Variants in PDE12 observed in about 807,000 individuals in gnomAD.
PDE12 encodes 2',5'-phosphodiesterase 12.
A neutral mutation model predicts 45.4 loss-of-function variants in PDE12; 26 were observed. That is an observed-to-expected ratio of 0.57 (90% confidence interval 0.42 to 0.79). PDE12 has a LOEUF of 0.79. Among genes scored for constraint, PDE12 ranks in the 30% least tolerant of loss-of-function variants. PDE12 has a pLI of 0.00. For synonymous variants in PDE12, 283 were observed against 323.9 expected (o/e 0.87, Z 1.36); for missense variants, 668 against 790.0 (o/e 0.85, Z 1.85).
the PDE12 span, among the ~76,000 whole-genome samples, chr3:57,612,296 C>T: frequency 6.6e-6 from 1 of 151,670 alleles, no homozygotes; most frequent in Non-Finnish European, 1.5e-5. Context: ...ATGTAAATGA[C>T]AAGTTAATTG....
chr3:57,570,990 TG>T (rs1415345313), downstream of PDE12, among the ~76,000 whole-genome samples: 2 of 151,020 alleles, frequency 1.3e-5, no homozygotes, highest in African/African-American at 4.9e-5. Flanking sequence ...TTTTTGTTGT[TG>T]TTGTTTTGTT....
chr3:57,644,269 C>T, the PDE12 span, among the ~76,000 whole-genome samples: 3 of 152,044 alleles, frequency 2.0e-5, no homozygotes, highest in East Asian at 5.8e-4. Flanking sequence ...TGGGATGCAC[C>T]ACAAGACAGC....
At chr3:57,592,314 C>A in the PDE12 span, among the ~76,000 whole-genome samples, 1 of 151,968 alleles carries the variant, frequency 6.6e-6, no homozygotes, top group Non-Finnish European at 1.5e-5. Context: ...TATGGTGAAA[C>A]CCTCTCTACT....
chr3:57,605,760 G>A, the PDE12 span, among the ~76,000 whole-genome samples: 2 of 152,042 alleles, frequency 1.3e-5, no homozygotes, highest in African/African-American at 4.8e-5. Context: ...AACCAACACA[G>A]AACTGACAGA....
chr3:57,585,620 A>T, the PDE12 span, among the ~76,000 whole-genome samples: 1 of 152,214 alleles, frequency 6.6e-6, no homozygotes, highest in South Asian at 2.1e-4. Flanking sequence ...TATAATAATA[A>T]AAGACCCTAT....
At chr3:57,580,219 C>T in the PDE12 span, among the ~76,000 whole-genome samples, 1 of 152,034 alleles carries the variant, frequency 6.6e-6, no homozygotes, top group African/African-American at 2.4e-5. Context: ...CTTGACTATG[C>T]CTCGTCTAAA....
At chr3:57,573,764 T>G in the PDE12 span, among the ~76,000 whole-genome samples, 2 of 152,038 alleles carry the variant, frequency 1.3e-5, no homozygotes, top group Admixed American at 6.6e-5. Context: ...GTAATTTTAG[T>G]AGAGACAGAG....
At chr3:57,637,857 C>T in the PDE12 span, among the ~76,000 whole-genome samples, 17 of 151,314 alleles carry the variant, frequency 1.1e-4, no homozygotes, top group South Asian at 2.1e-4. Context: ...GTGCACAGGC[C>T]GGGCACAGTG....
chr3:57,595,800 A>C, the PDE12 span, among the ~76,000 whole-genome samples: 1 of 151,978 alleles, frequency 6.6e-6, no homozygotes, highest in African/African-American at 2.4e-5. Context: ...TAATACAAAA[A>C]ATTAGCCAGG....
chr3:57,577,109 A>C, the PDE12 span, among the ~76,000 whole-genome samples: 6 of 151,694 alleles, frequency 4.0e-5, no homozygotes, highest in African/African-American at 9.7e-5. Context: ...TGAAGTAGCT[A>C]CTCTTCCATG....
chr3:57,562,645 A>C lies in PDE12; in HGVS notation c.*2641A>C, dbSNP rs2153407664. The C allele has an allele frequency of 6.6e-6, 1 of 152,348 alleles. No individual in the cohort carries two copies. Among genetic ancestry groups the C allele is most frequent in the East Asian group, 1.9e-4 (1 of 5,192 alleles). 9.4% of individuals were successfully genotyped at this position (152,348 alleles called of 1,614,324 possible). On this transcript the variant is annotated 3_prime_UTR_variant, in exon 3 of 3. Transcript: ENST00000311180. ...GGTAAACCACATTTTATAATGTCAC[A>C]AGTTCTTGCTATAGGAATTAACATT...
chr3:57,618,672 G>A, the PDE12 span, among the ~76,000 whole-genome samples: 14 of 140,044 alleles, frequency 1.0e-4, no homozygotes, highest in Non-Finnish European at 1.8e-4. Flanking sequence ...GCAATGGCGC[G>A]ATCTCAGCTC....
the PDE12 span, among the ~76,000 whole-genome samples, chr3:57,613,412 G>T: frequency 6.6e-5 from 10 of 150,900 alleles, no homozygotes; most frequent in African/African-American, 2.0e-4. Flanking sequence ...TCCTGCCTCA[G>T]CCTCCCAAGT....
the PDE12 span, among the ~76,000 whole-genome samples, chr3:57,576,217 G>GA: frequency 6.6e-6 from 1 of 152,086 alleles, no homozygotes; most frequent in Admixed American, 6.6e-5. Context: ...TATGCTAAGT[G>GA]AAAAAATCAG....
At chr3:57,607,499 T>C in the PDE12 span, among the ~76,000 whole-genome samples, 1 of 152,110 alleles carries the variant, frequency 6.6e-6, no homozygotes, top group African/African-American at 2.4e-5. Flanking sequence ...TGAAAAAAGA[T>C]TAGATGAATG....
chr3:57,597,015 C>T, the PDE12 span: 1 of 1,581,146 alleles, frequency 6.3e-7, no homozygotes, highest in Non-Finnish European at 8.7e-7. Context: ...CAGAGGCCAC[C>T]CCAATTGTGG....
At chr3:57,622,116 C>T in the PDE12 span, among the ~76,000 whole-genome samples, 1 of 152,178 alleles carries the variant, frequency 6.6e-6, no homozygotes, top group Non-Finnish European at 1.5e-5. Context: ...GTGGAGGTTG[C>T]GGTGAGCCAA....
At chr3:57,619,185 A>G in the PDE12 span, among the ~76,000 whole-genome samples, 4 of 151,902 alleles carry the variant, frequency 2.6e-5, no homozygotes, top group Admixed American at 6.6e-5. Context: ...CGTCTTTACT[A>G]AAAATACAAA....
chr3:57,625,092 C>T, the PDE12 span, among the ~76,000 whole-genome samples: 5 of 152,124 alleles, frequency 3.3e-5, no homozygotes, highest in South Asian at 4.2e-4. Context: ...TTTGTAGAGA[C>T]GGGGTCTCAC....
Sources: gnomAD v4.1 joint callset for allele counts (sites outside exome capture counted in the v4.1 genomes callset) on GRCh38, gnomAD v4.1.1 for gene constraint, MANE v1.5 for transcripts, NCBI Gene and HGNC (gene_info 2026-07-23, HGNC 2026-07-21) for gene names.